Variants in USP8 observed in about 807,000 individuals in gnomAD.
The protein encoded by USP8 is ubiquitin specific peptidase 8.
A neutral mutation model predicts 130.0 loss-of-function variants in USP8; 27 were observed. That is an observed-to-expected ratio of 0.21 (90% CI 0.15 to 0.29). The LOEUF is 0.29. USP8 is among the 10% of genes least tolerant of loss of function. The pLI is 1.00. For synonymous variants in USP8, 392 were observed against 444.1 expected, an observed-to-expected ratio of 0.88 and a Z score of 1.48; for missense variants, 1,029 against 1,312.2, an observed-to-expected ratio of 0.78 and a Z score of 3.33.
intron 4 of USP8, among the ~76,000 whole-genome samples, chr15:50,451,829 C>T (rs531147064): frequency 3.3e-5 from 5 of 152,226 alleles, no homozygotes; most frequent in African/African-American, 9.6e-5. Flanking sequence ...CTTGTCAGGC[C>T]GGCAGTCTGA....
chr15:50,488,336 G>A (rs1305029911), intron 12 of USP8, among the ~76,000 whole-genome samples: 1 of 151,964 alleles, frequency 6.6e-6, no homozygotes, highest in African/African-American at 2.4e-5. Context: ...TGTGCCATTT[G>A]CCTTCATTTT....
chr15:50,427,361 C>G (rs1369139584), intron 1 of USP8, among the ~76,000 whole-genome samples: 1 of 152,064 alleles, frequency 6.6e-6, no homozygotes, highest in Non-Finnish European at 1.5e-5. Flanking sequence ...CAAATAGTTC[C>G]TATTTCATTT....
chr15:50,496,068 G>C lies in USP8; in HGVS notation c.2879G>C (p.Ser960Thr). Residue 960 changes from serine (S) to threonine (T), a missense_variant, in exon 17 of 20, where the codon AGT becomes ACT. By Grantham distance (58) the Ser-to-Thr change is moderately conservative. This residue lies in a region of USP8 where 257 missense variants were observed against 429.8 expected (regional missense o/e 0.60). Transcript: ENST00000307179. ...MYLSLPLAST[S>T]KCTLQDCLRL... ...TTGTCTCTACCACTAGCATCCACAA[G>C]TAAATGTACATTACAGGTAAGTTTA... 1 of 1,611,376 alleles carries C rather than the reference G, an allele frequency of 6.2e-7. No homozygotes were observed. The highest frequency in any genetic ancestry group is 8.5e-7 in the Non-Finnish European group (1 of 1,178,418).
intron 9 of USP8, 64 bp downstream of exon 9, chr15:50,477,057 C>T (rs569979340): frequency 1.1e-5 from 17 of 1,568,980 alleles, no homozygotes; most frequent in African/African-American, 2.8e-5. Flanking sequence ...ATTGTTTTCC[C>T]GGTAACATTC....
chr15:50,497,252 T>G (rs1429300289), intron 18 of USP8, 21 bp downstream of exon 18: 1 of 1,577,974 alleles, frequency 6.3e-7, no homozygotes, highest in Non-Finnish European at 8.6e-7. Context: ...AAGTTTGTCC[T>G]CCTGTTCAGT....
intron 1 of USP8, among the ~76,000 whole-genome samples, chr15:50,431,619 G>A (rs543620447): frequency 1.9e-4 from 29 of 152,148 alleles, no homozygotes; most frequent in African/African-American, 4.6e-4. Context: ...CCCTCTATCC[G>A]ATTGATTATT....
chr15:50,430,757 A>G (rs896668322), intron 1 of USP8, among the ~76,000 whole-genome samples: 1 of 152,068 alleles, frequency 6.6e-6, no homozygotes, highest in African/African-American at 2.4e-5. Context: ...CTCACATATA[A>G]CTGATTTCTA....
rs538346617 is a variant in USP8, at chr15:50,480,551, G to GT, written c.1219-929dup. Among the ~76,000 whole-genome samples the GT allele has an allele frequency of 3.3e-5, 5 of 152,296 alleles. No homozygotes were observed. The South Asian group carries it at 8.3e-4, about 25-fold the overall frequency. Reference sequence around the variant, plus strand: ...GAAGTCTTTTCAGAGGGAGAGATGTGTAAGCCAAGACCTAATGTGGGCATT... The same window carrying GT: ...GAAGTCTTTTCAGAGGGAGAGATGTGTTAAGCCAAGACCTAATGTGGGCATT... On this transcript the variant is annotated intron_variant, in intron 10 of 19. Coordinates refer to ENST00000307179, the MANE Select transcript of USP8 (RefSeq NM_005154.5).
At chr15:50,455,468 T>C (rs1012662889) in intron 4 of USP8, among the ~76,000 whole-genome samples, 5 of 148,266 alleles carry the variant, frequency 3.4e-5, no homozygotes, top group Admixed American at 1.3e-4. Context: ...CAAGCACATT[T>C]TCATTTACGC....
At chr15:50,461,353 C>T (rs1470901317) in intron 5 of USP8, among the ~76,000 whole-genome samples, 1 of 150,122 alleles carries the variant, frequency 6.7e-6, no homozygotes, top group Non-Finnish European at 1.5e-5. Context: ...GTCCCAGCTA[C>T]TCAGGAGGCC....
intron 3 of USP8, among the ~76,000 whole-genome samples, chr15:50,448,018 C>T (rs1297480018): frequency 9.2e-5 from 14 of 152,134 alleles, no homozygotes; most frequent in Non-Finnish European, 1.0e-4. Flanking sequence ...GCTGGGATTA[C>T]AGATGTGAGC....
intron 14 of USP8, among the ~76,000 whole-genome samples, chr15:50,491,962 A>G (rs2052187302): frequency 6.6e-6 from 1 of 152,086 alleles, no homozygotes; most frequent in African/African-American, 2.4e-5. Context: ...TGCCTCCTCA[A>G]GCGATTCTCC....
In USP8 at chr15:50,500,784, T is replaced by C; in HGVS notation, c.*1696T>C. 1 of 1,589,740 alleles carries C rather than the reference T, an allele frequency of 6.3e-7. No homozygotes were observed. Among genetic ancestry groups the C allele is most frequent in the African/African-American group, 1.3e-5 (1 of 74,676 alleles). On this transcript the variant is annotated 3_prime_UTR_variant, in exon 20 of 20. Coordinates refer to ENST00000307179, the MANE Select transcript of USP8 (RefSeq NM_005154.5). Reference sequence around the variant, plus strand: ...CAAAGCTATATCAGGCCTGGGTGACTGAATTCTTGCAGAAAGCAGTGTAGT... The same window carrying C: ...CAAAGCTATATCAGGCCTGGGTGACCGAATTCTTGCAGAAAGCAGTGTAGT...
At chr15:50,484,048 A>G (rs2051865680) in intron 11 of USP8, among the ~76,000 whole-genome samples, 2 of 152,156 alleles carry the variant, frequency 1.3e-5, no homozygotes, top group African/African-American at 4.8e-5. Context: ...AGTGCTTCAC[A>G]GTCCACTTTG....
At position 50,490,344 on chromosome 15, in the gene USP8, C is replaced by T; in HGVS notation, c.2053C>T (p.Pro685Ser). 6.2e-7 allele frequency: 1 copy of T among 1,613,822 alleles called. No individual in the cohort carries two copies. The highest frequency in any genetic ancestry group is 8.5e-7 in the Non-Finnish European group (1 of 1,179,994). ...TVHMYPPEMA[P>S]SSAPPSTPPT... is the part of the protein sequence containing the mutation. ...TCATATGTACCCACCGGAAATGGCT[C>T]CTTCATCTGCACCTCCTTCCACCCC... is the stretch of plus-strand genomic sequence containing the variant. Residue 685 changes from proline to serine, a missense_variant, in exon 14 of 20, where the codon CCT (proline) becomes TCT (serine). Coordinates refer to ENST00000307179, the MANE Select transcript of USP8 (RefSeq NM_005154.5).
In USP8 at chr15:50,496,084, G is replaced by GGTAA. The variant is rs745493878; in HGVS notation, c.2895+3_2895+6dup. 6 of 1,599,092 alleles carry GGTAA rather than the reference G, an allele frequency of 3.8e-6. No individual in the cohort carries two copies. Among genetic ancestry groups the GGTAA allele is most frequent in the Non-Finnish European group, 4.3e-6 (5 of 1,169,526 alleles). ...CATCCACAAGTAAATGTACATTACA[G>GGTAA]GTAAGTTTAAGAAGTAGAGAGAAAA... On this transcript the variant is annotated frameshift_variant and splice_region_variant. Coordinates refer to ENST00000307179, the MANE Select transcript of USP8 (RefSeq NM_005154.5). LOFTEE classifies it high-confidence loss of function.
At chr15:50,469,299 TAATTA>T (rs965420546) in intron 7 of USP8, among the ~76,000 whole-genome samples, 1 of 151,994 alleles carries the variant, frequency 6.6e-6, no homozygotes, top group Non-Finnish European at 1.5e-5. Flanking sequence ...TTAATTAAAT[TAATTA>T]AATTTAATAA....
intron 3 of USP8, among the ~76,000 whole-genome samples, chr15:50,443,256 G>A (rs2050318165): frequency 6.8e-6 from 1 of 147,124 alleles, no homozygotes; most frequent in South Asian, 2.2e-4. Context: ...GGCCCAGCTG[G>A]TATCGAACTC....
intron 9 of USP8, 101 bp downstream of exon 9, chr15:50,477,094 A>G: frequency 6.8e-7 from 1 of 1,473,212 alleles, no homozygotes; most frequent in South Asian, 1.3e-5. Flanking sequence ...TTGTCCTATT[A>G]GAGAGCAGTT....
Sources: gnomAD v4.1 joint callset for allele counts (sites outside exome capture counted in the v4.1 genomes callset) on GRCh38, gnomAD v4.1.1 for gene constraint, gnomAD v4.1.1 regional missense constraint, MANE v1.5 for transcripts, NCBI Gene and HGNC (gene_info 2026-07-23, HGNC 2026-07-21) for gene names.